The following ANKRD33B variants were observed in gnomAD, a reference collection of about 807,000 sequenced individuals.
The protein encoded by ANKRD33B is ankyrin repeat domain-containing protein 33B.
ANKRD33B carries 6 observed loss-of-function variants against 21.5 expected under a neutral mutation model. The observed-to-expected ratio is 0.28, with a 90% CI of 0.15 to 0.55. The LOEUF is 0.55. ANKRD33B is among the 20% of genes least tolerant of loss of function. ANKRD33B has a pLI of 0.94. For missense variants in ANKRD33B, 698 were observed against 747.2 expected (o/e 0.93, Z 0.77); for synonymous variants, 347 against 342.4 (o/e 1.01, Z -0.15).
At chr5:10,625,539 C>T (rs533768372) in intron 2 of ANKRD33B, among the ~76,000 whole-genome samples, 2 of 152,358 alleles carry the variant, frequency 1.3e-5, no homozygotes, top group Non-Finnish European at 2.9e-5. Context: ...GCCAGGCGCT[C>T]GTAGCCCTGC....
At chr5:10,593,547 T>C (rs1735743480) in intron 1 of ANKRD33B, among the ~76,000 whole-genome samples, 2 of 152,052 alleles carry the variant, frequency 1.3e-5, no homozygotes, top group Admixed American at 6.6e-5. Flanking sequence ...CACCCTACCC[T>C]GCTCATCCCA....
rs59222148 is a variant in ANKRD33B at position 10,637,425 on chromosome 5, G to GACACACACACACACACACACAC, written c.497-586_497-565dup. On this transcript the variant is annotated intron_variant, in intron 2 of 3. Coordinates refer to ENST00000296657, the MANE Select transcript of ANKRD33B (RefSeq NM_001164440.2). ...GGATGTGTGTGGGCGTAGGTAGTTA[G>GACACACACACACACACACACAC]ACACACACACACACACACACACACA... Among the ~76,000 whole-genome samples the GACACACACACACACACACACAC allele has an allele frequency of 1.4e-3, 144 of 100,386 alleles. 3 individuals carry two copies. The highest frequency in any genetic ancestry group is 5.5e-3 in the African/African-American group (126 of 23,012). 65.9% of individuals were successfully genotyped at this position (100,386 alleles called of 152,430 possible). A position where few individuals can be genotyped will look rare whatever the true frequency, so the allele number is the denominator to read the frequency against.
intron 1 of ANKRD33B, among the ~76,000 whole-genome samples, chr5:10,586,538 C>T (rs1487972509): frequency 7.1e-6 from 1 of 139,894 alleles, no homozygotes; most frequent in Non-Finnish European, 1.5e-5. Flanking sequence ...TGTGTGTATA[C>T]TGCTTTCTTC....
Position 10,577,609 on chromosome 5 carries a change from T to G in ANKRD33B, c.366+12776T>G, listed in dbSNP as rs566994332. On this transcript the variant is annotated intron_variant, in intron 1 of 3. Coordinates refer to ENST00000296657, the MANE Select transcript of ANKRD33B (RefSeq NM_001164440.2). The stretch of plus-strand genomic sequence containing the variant: ...GGCAGCCATCCAAAGGGCATGACCC[T>G]TTCCATGTGTAGCGGGAGGGTCAGT... Among the ~76,000 whole-genome samples the G allele has an allele frequency of 1.1e-4, 17 of 152,226 alleles. No individual in the cohort carries two copies. The South Asian group carries it at 3.5e-3, about 32-fold the overall frequency.
Position 10,653,883 on chromosome 5 carries a change from T to C in ANKRD33B, c.*3770T>C, listed in dbSNP as rs1737418646. On this transcript the variant is annotated 3_prime_UTR_variant, in exon 4 of 4. Transcript: ENST00000296657. ...GGGCTCGCCCTCCCTGGATCTGCCATGTGGTTCAGGGAGGAGGGGACCGAT... is the reference window on the plus strand; with the variant it reads ...GGGCTCGCCCTCCCTGGATCTGCCACGTGGTTCAGGGAGGAGGGGACCGAT... The C allele has an allele frequency of 6.6e-6, 1 of 152,390 alleles. No homozygotes were observed. The highest frequency in any genetic ancestry group is 1.5e-5 in the Non-Finnish European group (1 of 68,078). The allele number at this position is 152,390 out of a possible 1,614,324, so 9.4% of individuals were successfully genotyped here.
intron 2 of ANKRD33B, among the ~76,000 whole-genome samples, chr5:10,637,285 AAGTT>A (rs1179602562): frequency 6.6e-6 from 1 of 152,172 alleles, no homozygotes; most frequent in Non-Finnish European, 1.5e-5. Flanking sequence ...AATGAGCAGA[AAGTT>A]AGATCCTTTT....
chr5:10,612,219 C>T (rs71585614), intron 1 of ANKRD33B, among the ~76,000 whole-genome samples: 10,660 of 152,276 alleles, frequency 0.07, 473 homozygotes, highest in Middle Eastern at 0.099. Context: ...GCTGCTATAG[C>T]AAAATACAGT....
chr5:10,606,036 G>T (rs1736038798), intron 1 of ANKRD33B, among the ~76,000 whole-genome samples: 1 of 152,212 alleles, frequency 6.6e-6, no homozygotes, highest in Admixed American at 6.5e-5. Flanking sequence ...CATAATGCTT[G>T]TATGATCACT....
At chr5:10,628,575 C>G (rs1736634054) in intron 2 of ANKRD33B, among the ~76,000 whole-genome samples, 1 of 152,242 alleles carries the variant, frequency 6.6e-6, no homozygotes, top group Non-Finnish European at 1.5e-5. Flanking sequence ...CTAGCCTCAG[C>G]CTCCCTGGCC....
intron 1 of ANKRD33B, among the ~76,000 whole-genome samples, chr5:10,604,640 C>A (rs758678545): frequency 9.4e-4 from 142 of 151,706 alleles, no homozygotes; most frequent in Non-Finnish European, 1.7e-3. Flanking sequence ...TCTCGCTGCA[C>A]CTAACATCTA....
At chr5:10,601,733 G>A (rs938907451) in intron 1 of ANKRD33B, among the ~76,000 whole-genome samples, 1 of 152,252 alleles carries the variant, frequency 6.6e-6, no homozygotes, top group African/African-American at 2.4e-5. Flanking sequence ...CATGCTCTCC[G>A]TGGATGTGCT....
Position 10,613,990 on chromosome 5 carries a change from C to CGTGTGTGTGTGTGT in ANKRD33B, c.367-4320_367-4307dup, listed in dbSNP as rs59864065. ...ATTAGTCAGGGGTCTCCAGAGAAAT[C>CGTGTGTGTGTGTGT]GTGTGTGTGTGTGTGTGTGTGTGTG... On this transcript the variant is annotated intron_variant, in intron 1 of 3. Coordinates refer to ENST00000296657, the MANE Select transcript of ANKRD33B (RefSeq NM_001164440.2). Among the ~76,000 whole-genome samples, 1,043 of 141,368 alleles carry CGTGTGTGTGTGTGT rather than the reference C, an allele frequency of 7.4e-3. 7 individuals carry two copies. Among genetic ancestry groups the CGTGTGTGTGTGTGT allele is most frequent in the African/African-American group, 0.016 (614 of 37,294 alleles). 92.7% of individuals were successfully genotyped at this position (141,368 alleles called of 152,430 possible).
chr5:10,637,946 T>G (rs1053736030), intron 2 of ANKRD33B, 82 bp from the exon 3 acceptor site: 15 of 1,462,732 alleles, frequency 1.0e-5, no homozygotes, highest in Non-Finnish European at 1.4e-5. Flanking sequence ...CAGTGTTTCT[T>G]TCTCTCTCTA....
rs541422571 is a variant in ANKRD33B, at chr5:10,650,033, A to G, written c.1405A>G (p.Lys469Glu). The G allele has an allele frequency of 6.5e-7, 1 of 1,532,576 alleles. No homozygotes were observed. Among genetic ancestry groups the G allele is most frequent in the African/African-American group, 1.4e-5 (1 of 72,778 alleles). 94.9% of individuals were successfully genotyped at this position (1,532,576 alleles called of 1,614,324 possible). A position where few individuals can be genotyped will look rare whatever the true frequency, so the allele number is the denominator to read the frequency against. Residue 469 changes from lysine to glutamate, a missense_variant, in exon 4 of 4, where the codon AAG (lysine) becomes GAG (glutamate). By Grantham distance (56) the Lys-to-Glu change is moderately conservative. This residue lies in a region of ANKRD33B where 543 missense variants were observed against 566.5 expected (regional missense o/e 0.96). Transcript: ENST00000296657. ...CAAGGAGGCCAAGGAGGAGAAGAGG[A>G]AGGCAGAGGAGGCCGAAAAGAAGCG... is the stretch of plus-strand genomic sequence containing the variant. Reference protein sequence around the residue: ...RYKEAKEEKRKAEEAEKKRQA... With the variant: ...RYKEAKEEKREAEEAEKKRQA...
chr5:10,616,966 G>A (rs1022245218), intron 1 of ANKRD33B, among the ~76,000 whole-genome samples: 1 of 152,232 alleles, frequency 6.6e-6, no homozygotes, highest in Non-Finnish European at 1.5e-5. Context: ...CGCTAGCATG[G>A]TGGGGTTCTG....
intron 1 of ANKRD33B, among the ~76,000 whole-genome samples, chr5:10,607,950 C>T (rs1478880629): frequency 3.3e-5 from 5 of 152,160 alleles, no homozygotes; most frequent in Non-Finnish European, 7.3e-5. Flanking sequence ...CTTAGGCGTC[C>T]TCTCGTGACC....
intron 1 of ANKRD33B, among the ~76,000 whole-genome samples, chr5:10,615,164 G>A (rs1258020773): frequency 6.6e-6 from 1 of 152,172 alleles, no homozygotes; most frequent in Non-Finnish European, 1.5e-5. Context: ...ACCTAGGGAA[G>A]GCATTCCTTT....
chr5:10,564,979 T>C, intron 1 of ANKRD33B, 146 bp downstream of exon 1: 1 of 1,201,338 alleles, frequency 8.3e-7, no homozygotes, highest in South Asian at 1.6e-5. Context: ...TCCCCGCTGT[T>C]TGGGAGCGCG....
In ANKRD33B at chr5:10,619,228, C is replaced by A; in HGVS notation, c.496+766C>A. The A allele has an allele frequency of 1.2e-6, 1 of 868,878 alleles. No individual in the cohort carries two copies. The highest frequency in any genetic ancestry group is 1.4e-6 in the Non-Finnish European group (1 of 723,828). 53.8% of individuals were successfully genotyped at this position (868,878 alleles called of 1,614,324 possible). A position where few individuals can be genotyped will look rare whatever the true frequency, so the allele number is the denominator to read the frequency against. ...TTCTGTCTGTTTCATCGGTCAAGTT[C>A]TCAGTTGCAAGCAAAGAAGCTGCCT... On this transcript the variant is annotated intron_variant, in intron 2 of 3. Transcript: ENST00000296657. The surrounding 1 kb of genome is among the most constrained non-coding windows in gnomAD (Gnocchi z 4.5).
Sources: allele counts gnomAD v4.1 joint callset (sites outside exome capture counted in the v4.1 genomes callset), GRCh38; gene constraint gnomAD v4.1.1; regional missense constraint gnomAD v4.1.1; non-coding constraint Gnocchi (gnomAD v3.1); transcripts MANE v1.5; gene names NCBI Gene and HGNC (gene_info 2026-07-23, HGNC 2026-07-21).